The following SUGCT variants were observed in gnomAD, a reference collection of about 807,000 sequenced individuals.
SUGCT encodes the protein succinyl-CoA:glutarate-CoA transferase.
In SUGCT, 41 loss-of-function variants were observed where a neutral mutation model predicts 55.0. The observed-to-expected ratio is 0.74, with a 90% CI of 0.58 to 0.97. The LOEUF is 0.97. Among genes scored for constraint, SUGCT ranks in the 50% least tolerant of loss-of-function variants. The pLI is 0.00. For synonymous variants in SUGCT, 187 were observed against 200.4 expected (o/e 0.93, Z 0.56); for missense variants, 568 against 547.8 (o/e 1.04, Z -0.37).
Position 40,188,485 on chromosome 7 carries a change from T to C in SUGCT, c.227-10T>C. The C allele has an allele frequency of 6.4e-7, 1 of 1,572,946 alleles. No homozygotes were observed. Among genetic ancestry groups the C allele is most frequent in the South Asian group, 1.2e-5 (1 of 84,156 alleles). ...CCCCAAAGATTAATAGCTCATGTTA[T>C]TATTTTCAGGAGCTGGTGATGATAC... On this transcript the variant is annotated splice_polypyrimidine_tract_variant and intron_variant, in intron 3 of 13. Coordinates refer to ENST00000335693, the MANE Select transcript of SUGCT (RefSeq NM_001193313.2).
intron 13 of SUGCT, among the ~76,000 whole-genome samples, chr7:40,751,005 C>T (rs1037918820): frequency 1.3e-5 from 2 of 152,124 alleles, no homozygotes; most frequent in African/African-American, 4.8e-5. Context: ...ATATAACAAC[C>T]AACAAATGTT....
At chr7:40,517,277 A>T (rs1195531397) in intron 12 of SUGCT, among the ~76,000 whole-genome samples, 1 of 149,482 alleles carries the variant, frequency 6.7e-6, no homozygotes, top group South Asian at 2.1e-4. Context: ...ATGTAAGCTC[A>T]TGTTATCTTC....
intron 12 of SUGCT, among the ~76,000 whole-genome samples, chr7:40,718,925 AC>A (rs1313016451): frequency 1.5e-4 from 23 of 152,346 alleles, no homozygotes; most frequent in Admixed American, 1.4e-3. Context: ...ATGAAAGTAG[AC>A]CACTTAAAAA....
intron 9 of SUGCT, among the ~76,000 whole-genome samples, chr7:40,324,385 A>G (rs1162909545): frequency 2.0e-5 from 3 of 151,468 alleles, no homozygotes; most frequent in Non-Finnish European, 4.4e-5. Context: ...CCTCCCAAGT[A>G]GCTGGGATTA....
chr7:40,265,466 C>A (rs757553755), intron 7 of SUGCT, among the ~76,000 whole-genome samples: 4 of 152,044 alleles, frequency 2.6e-5, no homozygotes, highest in East Asian at 1.9e-4. Context: ...CTCTCTCCCC[C>A]CTCCTTCTTT....
At chr7:40,281,057 T>C (rs1195985478) in intron 8 of SUGCT, among the ~76,000 whole-genome samples, 1 of 152,222 alleles carries the variant, frequency 6.6e-6, no homozygotes, top group Non-Finnish European at 1.5e-5. Flanking sequence ...ACTGCATTGG[T>C]ATAAAGATGA....
rs181382629 is a variant in SUGCT at position 40,427,636 on chromosome 7, A to G, written c.817-21651A>G. 1.1e-4 allele frequency among the ~76,000 whole-genome samples: 16 copies of G among 152,182 alleles called. No homozygotes were observed. The East Asian group carries it at 2.5e-3, about 24-fold the overall frequency. ...TTTTATTTTAACCTCATAATCAGTC[A>G]TTGTGGTGGTTTGGGTTCTCCGAGA... On this transcript the variant is annotated intron_variant, in intron 9 of 13. Transcript: ENST00000335693.
chr7:40,713,494 A>G (rs1247912771), intron 12 of SUGCT, among the ~76,000 whole-genome samples: 2 of 152,206 alleles, frequency 1.3e-5, no homozygotes, highest in Non-Finnish European at 2.9e-5. Context: ...ATCACAAGAA[A>G]TGCCACTGTA....
chr7:40,884,580 T>C, the SUGCT span, among the ~76,000 whole-genome samples: 1 of 151,726 alleles, frequency 6.6e-6, no homozygotes, highest in African/African-American at 2.4e-5. Context: ...GGGATGAGAG[T>C]TTTTCCTGAA....
chr7:40,787,313 G>C (rs918483795), intron 13 of SUGCT, among the ~76,000 whole-genome samples: 2 of 152,124 alleles, frequency 1.3e-5, no homozygotes, highest in Non-Finnish European at 2.9e-5. Context: ...AGTAAGCCCT[G>C]TGTACTCTTT....
At chr7:40,870,419 C>G in the SUGCT span, among the ~76,000 whole-genome samples, 1 of 152,144 alleles carries the variant, frequency 6.6e-6, no homozygotes, top group Non-Finnish European at 1.5e-5. Context: ...ATCAAATCTC[C>G]TTCTGCCTGT....
At chr7:40,837,550 C>G (rs1279058012) in intron 13 of SUGCT, among the ~76,000 whole-genome samples, 2 of 152,066 alleles carry the variant, frequency 1.3e-5, no homozygotes, top group Admixed American at 1.3e-4. Flanking sequence ...AAGCATTTTA[C>G]ACTTTTAATT....
chr7:40,720,405 A>T (rs1786264364), intron 12 of SUGCT, among the ~76,000 whole-genome samples: 1 of 152,230 alleles, frequency 6.6e-6, no homozygotes, highest in Non-Finnish European at 1.5e-5. Flanking sequence ...AGAAGAATGG[A>T]GATGCTGTAT....
chr7:40,554,968 T>C (rs1257474513), intron 12 of SUGCT, among the ~76,000 whole-genome samples: 3 of 152,188 alleles, frequency 2.0e-5, no homozygotes, highest in Admixed American at 6.5e-5. Context: ...CTATTCCTTC[T>C]GCATATCCTG....
intron 6 of SUGCT, among the ~76,000 whole-genome samples, chr7:40,233,517 T>C (rs1181657988): frequency 1.3e-5 from 2 of 152,072 alleles, no homozygotes; most frequent in Non-Finnish European, 2.9e-5. Context: ...CGTTTATTAT[T>C]ATTATTGTCA....
intron 12 of SUGCT, among the ~76,000 whole-genome samples, chr7:40,535,068 T>A (rs1583919012): frequency 6.6e-6 from 1 of 152,202 alleles, no homozygotes; most frequent in East Asian, 1.9e-4. Flanking sequence ...ATCATTTATC[T>A]AAATATAAAG....
At chr7:40,482,447 G>T (rs989578591) in intron 11 of SUGCT, among the ~76,000 whole-genome samples, 1 of 152,090 alleles carries the variant, frequency 6.6e-6, no homozygotes, top group African/African-American at 2.4e-5. Flanking sequence ...TTTCTATGTG[G>T]TAAGGTTATA....
At chr7:40,598,872 TGAGA>T (rs1027110335) in intron 12 of SUGCT, among the ~76,000 whole-genome samples, 1 of 152,112 alleles carries the variant, frequency 6.6e-6, no homozygotes, top group African/African-American at 2.4e-5. Flanking sequence ...GGTTGACATT[TGAGA>T]GAGAGAGAAT....
At chr7:40,278,971 C>A (rs1029426312) in intron 8 of SUGCT, among the ~76,000 whole-genome samples, 2 of 151,096 alleles carry the variant, frequency 1.3e-5, no homozygotes, top group Non-Finnish European at 2.9e-5. Context: ...GGACTACAGG[C>A]GTATGACCTT....
Sources: allele counts gnomAD v4.1 joint callset (sites outside exome capture counted in the v4.1 genomes callset), GRCh38; gene constraint gnomAD v4.1.1; transcripts MANE v1.5; gene names NCBI Gene and HGNC (gene_info 2026-07-23, HGNC 2026-07-21).